The following FBL variants were observed in gnomAD, a reference collection of about 807,000 sequenced individuals.
The protein encoded by FBL is fibrillarin rRNA 2'-O-methyltransferase.
In FBL, 10 loss-of-function variants were observed where a neutral mutation model predicts 42.2. That is an observed-to-expected ratio of 0.24 (90% CI 0.15 to 0.40). FBL has a LOEUF of 0.40. FBL is among the 10% of genes least tolerant of loss of function. The pLI is 1.00. For missense variants in FBL, 351 were observed against 439.2 expected (o/e 0.80, Z 1.79); for synonymous variants, 165 against 165.4 (o/e 1.00, Z 0.02).
chr19:39,834,604 C>T, intron 8 of FBL, 42 bp from the exon 9 acceptor site: 1 of 1,614,138 alleles, frequency 6.2e-7, no homozygotes, highest in Non-Finnish European at 8.5e-7. Flanking sequence ...TCCCCAGGAT[C>T]ATGGCACTCG....
chr19:39,843,898 G>A (rs549753247), intron 1 of FBL, among the ~76,000 whole-genome samples: 4 of 152,170 alleles, frequency 2.6e-5, no homozygotes, highest in South Asian at 2.1e-4. Flanking sequence ...TCAAACTCAG[G>A]GGTACGCGTC....
chr19:39,839,014 A>C lies in FBL; in HGVS notation c.549+21T>G, dbSNP rs201683656. On this transcript the variant is annotated intron_variant, in intron 5 of 8. Transcript: ENST00000221801. ...GGAGGCAGCCTTTACCTCCTGCCTGACTCTCCATCTACTCACTCACCGGAC... is the reference window on the plus strand; with the variant it reads ...GGAGGCAGCCTTTACCTCCTGCCTGCCTCTCCATCTACTCACTCACCGGAC... 2.9e-4 allele frequency: 455 copies of C among 1,596,114 alleles called. No individual in the cohort carries two copies. The African/African-American group carries it at 5.6e-3, about 20-fold the overall frequency.
intron 5 of FBL, 92 bp downstream of exon 5, chr19:39,838,943 C>T (rs1969103670): frequency 1.0e-5 from 12 of 1,175,644 alleles, no homozygotes; most frequent in Non-Finnish European, 1.5e-5. Flanking sequence ...CTAAGTCACA[C>T]AGCGCAGGCA....
Position 39,846,309 on chromosome 19 carries a change from C to G in FBL, c.-9G>C. On this transcript the variant is annotated 5_prime_UTR_variant, in exon 1 of 9. Transcript: ENST00000221801. ...GCCTGACCTGGCTTCATGGCGAGCC[C>G]TGGTTTGTGCGGCTCCGGAGTCCGC... is the stretch of plus-strand genomic sequence containing the variant. The G allele has an allele frequency of 1.9e-6, 3 of 1,613,736 alleles. No homozygotes were observed. Among genetic ancestry groups the G allele is most frequent in the African/African-American group, 1.3e-5 (1 of 75,058 alleles).
chr19:39,841,640 G>T (rs929658731), intron 1 of FBL, among the ~76,000 whole-genome samples: 1 of 152,142 alleles, frequency 6.6e-6, no homozygotes, highest in Non-Finnish European at 1.5e-5. Context: ...TCCCACTCCT[G>T]ACCTTGGAGC....
Position 39,840,603 on chromosome 19 carries a change from CT to C in FBL, c.181+13del. ...CTCAGGAAGGCCTCCTCTGTAACCCCTAGCCAATCTTACCACCTCTTCCTCC... is the reference window on the plus strand; with the variant it reads ...CTCAGGAAGGCCTCCTCTGTAACCCCAGCCAATCTTACCACCTCTTCCTCC... On this transcript the variant is annotated intron_variant, in intron 2 of 8. Transcript: ENST00000221801. The surrounding 1 kb of genome is among the most constrained non-coding windows in gnomAD (Gnocchi z 4.5). 3.1e-6 allele frequency: 5 copies of C among 1,613,510 alleles called. No homozygotes were observed. Among genetic ancestry groups the C allele is most frequent in the Non-Finnish European group, 3.4e-6 (4 of 1,179,808 alleles).
chr19:39,836,739 T>C (rs1380833427), intron 6 of FBL, 71 bp from the exon 7 acceptor site: 5 of 1,143,500 alleles, frequency 4.4e-6, no homozygotes, highest in Non-Finnish European at 6.4e-6. Flanking sequence ...ATGGGGCCTA[T>C]GCCCATCACC....
At chr19:39,844,493 C>A (rs1257291590) in intron 1 of FBL, among the ~76,000 whole-genome samples, 10 of 152,088 alleles carry the variant, frequency 6.6e-5, no homozygotes, top group Admixed American at 6.5e-4. Context: ...GGTCCATAAA[C>A]CCCCTGATTT....
At position 39,840,611 on chromosome 19, in the gene FBL, T is replaced by A; in HGVS notation, c.181+6A>T. On this transcript the variant is annotated splice_donor_region_variant and intron_variant, in intron 2 of 8. Transcript: ENST00000221801. The surrounding 1 kb of genome is among the most constrained non-coding windows in gnomAD (Gnocchi z 4.5). ...GGCCTCCTCTGTAACCCCTAGCCAATCTTACCACCTCTTCCTCCTCCTCCA... is the reference window on the plus strand; with the variant it reads ...GGCCTCCTCTGTAACCCCTAGCCAAACTTACCACCTCTTCCTCCTCCTCCA... 2 of 1,612,702 alleles carry A rather than the reference T, an allele frequency of 1.2e-6. No individual in the cohort carries two copies. The highest frequency in any genetic ancestry group is 1.7e-6 in the Non-Finnish European group (2 of 1,179,184).
intron 5 of FBL, 81 bp from the exon 6 acceptor site, chr19:39,837,924 C>T (rs2145057655): frequency 8.4e-7 from 1 of 1,184,564 alleles, no homozygotes; most frequent in South Asian, 1.4e-5. Context: ...ACACTATACA[C>T]AGCATCTCTT....
In FBL at chr19:39,840,360, C is replaced by G; in HGVS notation, c.284-33G>C. 2 of 1,608,616 alleles carry G rather than the reference C, an allele frequency of 1.2e-6. No homozygotes were observed. The highest frequency in any genetic ancestry group is 1.7e-6 in the Non-Finnish European group (2 of 1,175,050). On this transcript the variant is annotated intron_variant, in intron 3 of 8. Coordinates refer to ENST00000221801, the MANE Select transcript of FBL (RefSeq NM_001436.4). This position sits in a 1 kb window ranked among gnomAD's most constrained non-coding sequence, Gnocchi z 4.5. ...AGGGGATCAGAGCAGGGGTGAGGAC[C>G]CCCAGCCTCTCCCTGCCCCGAAGCT...
At chr19:39,845,002 CATACCT>C (rs2145068830) in intron 1 of FBL, among the ~76,000 whole-genome samples, 1 of 152,242 alleles carries the variant, frequency 6.6e-6, no homozygotes, top group African/African-American at 2.4e-5. Flanking sequence ...AGGATCTCAG[CATACCT>C]GGCCTACAAT....
At chr19:39,837,319 T>G (rs994957959) in intron 6 of FBL, among the ~76,000 whole-genome samples, 1 of 152,188 alleles carries the variant, frequency 6.6e-6, no homozygotes, top group Non-Finnish European at 1.5e-5. Context: ...TTAAACAAAG[T>G]AATTAATATT....
intron 5 of FBL, chr19:39,838,266 T>TG: frequency 8.6e-6 from 1 of 115,648 alleles, no homozygotes; most frequent in South Asian, 3.0e-4. Context: ...AGCCTGAGGT[T>TG]TTTTTTTTTT....
intron 1 of FBL, among the ~76,000 whole-genome samples, chr19:39,844,452 T>C (rs1012528014): frequency 3.3e-5 from 5 of 150,270 alleles, no homozygotes; most frequent in African/African-American, 1.2e-4. Flanking sequence ...ACACAAACTT[T>C]TCCAGTAAGT....
chr19:39,834,651 G>C lies in FBL; in HGVS notation c.941+17C>G. 6.2e-7 allele frequency: 1 copy of C among 1,614,086 alleles called. No individual in the cohort carries two copies. Among genetic ancestry groups the C allele is most frequent in the Non-Finnish European group, 8.5e-7 (1 of 1,179,990 alleles). ...ACAGAGATGTCTGTCTTGGTGTATT[G>C]CTGGGCCCCTGCTCACCTGTACACT... On this transcript the variant is annotated intron_variant, in intron 8 of 8. Coordinates refer to ENST00000221801, the MANE Select transcript of FBL (RefSeq NM_001436.4).
rs1969076643 is a variant in FBL, at chr19:39,837,696, C to A, written c.682+15G>T. On this transcript the variant is annotated intron_variant, in intron 6 of 8. Transcript: ENST00000221801. Reference sequence around the variant, plus strand: ...GCCTGTCCTACCCCACCGGGGCCACCCCCAGACCCCTCACCGATGAGCATG... The same window carrying A: ...GCCTGTCCTACCCCACCGGGGCCACACCCAGACCCCTCACCGATGAGCATG... The A allele has an allele frequency of 3.2e-6, 5 of 1,556,050 alleles. No homozygotes were observed. The highest frequency in any genetic ancestry group is 4.3e-6 in the Non-Finnish European group (5 of 1,155,034).
Position 39,840,191 on chromosome 19 carries a change from C to T in FBL, c.378+42G>A. 3 of 1,416,456 alleles carry T rather than the reference C, an allele frequency of 2.1e-6. No homozygotes were observed. Among genetic ancestry groups the T allele is most frequent in the African/African-American group, 1.4e-5 (1 of 71,110 alleles). 87.7% of individuals were successfully genotyped at this position (1,416,456 alleles called of 1,614,324 possible). A position where few individuals can be genotyped will look rare whatever the true frequency, so the allele number is the denominator to read the frequency against. On this transcript the variant is annotated intron_variant, in intron 4 of 8. Transcript: ENST00000221801. This position sits in a 1 kb window ranked among gnomAD's most constrained non-coding sequence, Gnocchi z 4.5. Reference sequence around the variant, plus strand: ...AGACACAGACTACTGGCTACACCCTCAGCTGCGACCCTGGTGGCTTGGACA... The same window carrying T: ...AGACACAGACTACTGGCTACACCCTTAGCTGCGACCCTGGTGGCTTGGACA...
In FBL at chr19:39,837,861, T is replaced by C; in HGVS notation, c.550-18A>G. The C allele has an allele frequency of 6.2e-7, 1 of 1,611,266 alleles. No homozygotes were observed. Among genetic ancestry groups the C allele is most frequent in the Non-Finnish European group, 8.5e-7 (1 of 1,178,446 alleles). On this transcript the variant is annotated intron_variant, in intron 5 of 8. Transcript: ENST00000221801. ...AGACCATCCTAAAATAAATTAAAAA[T>C]TAATGAACAGTGATGCTAGTTCTCA... is the stretch of plus-strand genomic sequence containing the variant.
Sources: allele counts gnomAD v4.1 joint callset (sites outside exome capture counted in the v4.1 genomes callset), GRCh38; gene constraint gnomAD v4.1.1; non-coding constraint Gnocchi (gnomAD v3.1); transcripts MANE v1.5; gene names NCBI Gene and HGNC (gene_info 2026-07-23, HGNC 2026-07-21).